The following ZNF18 variants were observed in gnomAD, a reference collection of about 807,000 sequenced individuals.
ZNF18 encodes heart development-specific gene 1 protein.
Under a neutral mutation model 58.1 loss-of-function variants are expected in ZNF18, and 42 were observed. The ratio of observed to expected loss-of-function variants is 0.72; its 90% CI spans 0.56 to 0.93. The LOEUF (loss-of-function observed/expected upper bound fraction) is 0.93, where lower values mean the gene tolerates loss of function less well. Among genes scored for constraint, ZNF18 ranks in the 40% least tolerant of loss-of-function variants. ZNF18 has a pLI of 0.00. For synonymous variants in ZNF18, 231 were observed against 239.8 expected (o/e 0.96, Z 0.34); for missense variants, 540 against 644.2 (o/e 0.84, Z 1.75).
At chr17:11,992,135 TGAAGA>T (rs1196365139) in intron 2 of ZNF18, among the ~76,000 whole-genome samples, 1 of 152,174 alleles carries the variant, frequency 6.6e-6, no homozygotes, top group East Asian at 1.9e-4. Context: ...TTATCAAACT[TGAAGA>T]GAAGACTGTG....
In ZNF18 at chr17:11,978,843, T is replaced by TC. The variant is rs1967160024; in HGVS notation, c.863-100_863-99insG. The TC allele has an allele frequency of 5.3e-6, 3 of 566,802 alleles. No homozygotes were observed. In the East Asian group the frequency reaches 1.1e-4, roughly 21 times the overall value. 35.1% of individuals were successfully genotyped at this position (566,802 alleles called of 1,614,324 possible). ...GTCATCATAAAACATTCATTTTCTT[T>TC]TTTTTTTTTTTTTTTTTTTTTTTAG... On this transcript the variant is annotated intron_variant, in intron 6 of 6. Coordinates refer to ENST00000580306, the MANE Select transcript of ZNF18 (RefSeq NM_001303281.2).
At chr17:12,011,191 G>A in the ZNF18 span, 11 of 555,876 alleles carry the variant, frequency 2.0e-5, no homozygotes, top group Middle Eastern at 4.9e-4. Context: ...AACATATATC[G>A]GGTGCCTCTC....
In ZNF18 at chr17:11,977,789, C is replaced by A; in HGVS notation, c.*168G>T. The A allele has an allele frequency of 1.4e-6, 1 of 738,872 alleles. No homozygotes were observed. 45.8% of individuals were successfully genotyped at this position (738,872 alleles called of 1,614,324 possible). Reference sequence around the variant, plus strand: ...ATTTAAGCCATTGTGCAATCCAATCCAAGATATCCTCCAAGTCCAAAGCCA... The same window carrying A: ...ATTTAAGCCATTGTGCAATCCAATCAAAGATATCCTCCAAGTCCAAAGCCA... On this transcript the variant is annotated 3_prime_UTR_variant, in exon 7 of 7. Coordinates refer to ENST00000580306, the MANE Select transcript of ZNF18 (RefSeq NM_001303281.2).
the ZNF18 span, chr17:12,020,928 C>T: frequency 5.0e-6 from 6 of 1,196,284 alleles, no homozygotes; most frequent in Non-Finnish European, 6.2e-6. Context: ...GCTCCGGGGG[C>T]GGCAGCGGCA....
intron 5 of ZNF18, 80 bp downstream of exon 5, chr17:11,984,033 G>T: frequency 2.3e-6 from 3 of 1,290,920 alleles, no homozygotes; most frequent in South Asian, 1.4e-5. Flanking sequence ...TTCAGCAGAT[G>T]TCTCTATAAG....
chr17:11,993,729 C>T (rs1251185823), intron 1 of ZNF18: 1 of 143,988 alleles, frequency 6.9e-6, no homozygotes, highest in African/African-American at 2.6e-5. Flanking sequence ...GAGGCTGAGG[C>T]AGAAGAATGG....
At chr17:12,010,538 C>A in the ZNF18 span, among the ~76,000 whole-genome samples, 1 of 152,038 alleles carries the variant, frequency 6.6e-6, no homozygotes, top group Non-Finnish European at 1.5e-5. Context: ...GCCTCAGCCT[C>A]CCAAGTAGCT....
At chr17:12,001,845 A>T (rs1487195196), upstream of ZNF18, among the ~76,000 whole-genome samples, 4 of 152,106 alleles carry the variant, frequency 2.6e-5, no homozygotes, top group Non-Finnish European at 5.9e-5. Context: ...ATAAATTTTT[A>T]AAAATCTATT....
At chr17:12,020,031 CT>C in the ZNF18 span, among the ~76,000 whole-genome samples, 1 of 152,156 alleles carries the variant, frequency 6.6e-6, no homozygotes, top group Admixed American at 6.5e-5. Flanking sequence ...ATAAAAGTCT[CT>C]GTGCAAAGCA....
chr17:12,012,985 A>C, the ZNF18 span, among the ~76,000 whole-genome samples: 1 of 145,436 alleles, frequency 6.9e-6, no homozygotes, highest in African/African-American at 2.6e-5. Flanking sequence ...CAGAGTCTTG[A>C]TCTGTCACCA....
At chr17:12,003,422 A>G in the ZNF18 span, among the ~76,000 whole-genome samples, 4 of 149,504 alleles carry the variant, frequency 2.7e-5, no homozygotes, top group Non-Finnish European at 4.4e-5. Flanking sequence ...CCCGGGTGAC[A>G]GTGTGAGACT....
At chr17:12,011,073 C>T in the ZNF18 span, 2 of 729,436 alleles carry the variant, frequency 2.7e-6, no homozygotes, top group Non-Finnish European at 5.0e-6. Flanking sequence ...GTGGGGCATT[C>T]CTTTTTGAAC....
Position 11,992,906 on chromosome 17 carries a change from A to C in ZNF18, c.-77T>G, listed in dbSNP as rs1239459467. On this transcript the variant is annotated 5_prime_UTR_variant, in exon 2 of 7. Coordinates refer to ENST00000580306, the MANE Select transcript of ZNF18 (RefSeq NM_001303281.2). ...CTCCGGCAAGAACTAGGTCTTCACC[A>C]GGACACTAAAAAGGGAATGAGATTG... 5 of 1,480,928 alleles carry C rather than the reference A, an allele frequency of 3.4e-6. No individual in the cohort carries two copies. The highest frequency in any genetic ancestry group is 4.5e-6 in the Non-Finnish European group (5 of 1,111,716). The allele number at this position is 1,480,928 out of a possible 1,614,324, so 91.7% of individuals were successfully genotyped here. A position where few individuals can be genotyped will look rare whatever the true frequency, so the allele number is the denominator to read the frequency against.
At chr17:11,996,740 T>G (rs991465017) in intron 1 of ZNF18, 1 of 152,222 alleles carries the variant, frequency 6.6e-6, no homozygotes, top group African/African-American at 2.4e-5. Context: ...AAGTAACCAT[T>G]TGTTAAGCAC....
chr17:11,999,358 G>A (rs1201589647), upstream of ZNF18, among the ~76,000 whole-genome samples: 2 of 152,088 alleles, frequency 1.3e-5, no homozygotes, highest in Non-Finnish European at 2.9e-5. Context: ...CCCATCCTTG[G>A]AACCCACAAA....
At chr17:11,987,718 C>T (rs78542538) in intron 4 of ZNF18, among the ~76,000 whole-genome samples, 1,555 of 152,264 alleles carry the variant, frequency 0.01, 29 homozygotes, top group African/African-American at 0.036. Context: ...TTGACATATT[C>T]CACAGAACAC....
the ZNF18 span, among the ~76,000 whole-genome samples, chr17:12,016,473 G>T: frequency 6.6e-6 from 1 of 152,162 alleles, no homozygotes; most frequent in Non-Finnish European, 1.5e-5. Context: ...GGGATTACAG[G>T]CATGCGCCAC....
chr17:12,016,627 G>A, the ZNF18 span, among the ~76,000 whole-genome samples: 1 of 151,872 alleles, frequency 6.6e-6, no homozygotes, highest in Non-Finnish European at 1.5e-5. Context: ...ACTGTGCCCA[G>A]TCCTTTTTTT....
the ZNF18 span, among the ~76,000 whole-genome samples, chr17:12,017,348 C>T: frequency 1.3e-5 from 2 of 152,188 alleles, no homozygotes; most frequent in African/African-American, 4.8e-5. Context: ...CAGCTTGCAG[C>T]TCTCTGCCTG....
Sources: gnomAD v4.1 joint callset for allele counts (sites outside exome capture counted in the v4.1 genomes callset) on GRCh38, gnomAD v4.1.1 for gene constraint, MANE v1.5 for transcripts, NCBI Gene and HGNC (gene_info 2026-07-23, HGNC 2026-07-21) for gene names.